Variants in CATSPERG observed in about 807,000 individuals in gnomAD.
The protein encoded by CATSPERG is catsper channel auxiliary subunit gamma.
CATSPERG carries 115 observed loss-of-function variants against 145.0 expected under a neutral mutation model. That is an observed-to-expected ratio of 0.79 (90% confidence interval 0.68 to 0.93). The LOEUF (loss-of-function observed/expected upper bound fraction) is 0.93. CATSPERG is among the 40% of genes least tolerant of loss of function. CATSPERG has a pLI of 0.00. For missense variants in CATSPERG, 1,296 were observed against 1,490.1 expected (o/e 0.87, Z 2.14); for synonymous variants, 588 against 589.0 (o/e 1.00, Z 0.02).
chr19:38,347,707 G>T (rs889676867), intron 7 of CATSPERG, among the ~76,000 whole-genome samples: 1 of 152,188 alleles, frequency 6.6e-6, no homozygotes, highest in Non-Finnish European at 1.5e-5. Flanking sequence ...TTGGGAGACC[G>T]AGGCGGGTGG....
chr19:38,346,213 A>C (rs1970039066), intron 6 of CATSPERG, among the ~76,000 whole-genome samples: 1 of 152,212 alleles, frequency 6.6e-6, no homozygotes, highest in African/African-American at 2.4e-5. Flanking sequence ...GCATTTCATC[A>C]GGAGAAACAG....
At chr19:38,353,250 C>G (rs1343151293) in intron 8 of CATSPERG, among the ~76,000 whole-genome samples, 28 of 151,840 alleles carry the variant, frequency 1.8e-4, no homozygotes. Flanking sequence ...AGGAGAATTG[C>G]TTGAACCCAG....
In CATSPERG at chr19:38,370,315, C is replaced by T. The variant is rs116159438; in HGVS notation, c.3213+57C>T. ...GTGGGCAGGGGCCCACGCCTCCATA[C>T]CTATGCTTGTTATACCTTCGCTCAT... is the stretch of plus-strand genomic sequence containing the variant. On this transcript the variant is annotated intron_variant, in intron 28 of 28. Coordinates refer to ENST00000409235, the MANE Select transcript of CATSPERG (RefSeq NM_021185.5). 564 of 1,519,980 alleles carry T rather than the reference C, an allele frequency of 3.7e-4. 2 individuals carry two copies. The African/African-American group carries it at 7.2e-3, about 19-fold the overall frequency. The allele number at this position is 1,519,980 out of a possible 1,614,324, so 94.2% of individuals were successfully genotyped here.
Position 38,337,283 on chromosome 19 carries a change from C to T in CATSPERG, c.49C>T (p.Arg17Ter). The T allele has an allele frequency of 6.4e-7, 1 of 1,551,482 alleles. No homozygotes were observed. Among genetic ancestry groups the T allele is most frequent in the Non-Finnish European group, 8.7e-7 (1 of 1,147,006 alleles). Residue 17 changes from arginine (R) to a stop codon, truncating the protein, a stop_gained, in exon 2 of 29, where the codon CGA (arginine) becomes TGA (stop). Transcript: ENST00000409235. LOFTEE classifies it high-confidence loss of function. ...TGCCGGTCCTCCGTGGCCCAGAGTC[C>T]GAGTCGTGCAGGTGCTGTGGGCCCT... ...FPAGPPWPRV[R>*]VVQVLWALLA...
intron 7 of CATSPERG, chr19:38,349,491 C>G (rs901338267): frequency 6.6e-6 from 1 of 152,404 alleles, no homozygotes; most frequent in African/African-American, 2.4e-5. Context: ...TTTGTCTCCT[C>G]TCTTCCCTGC....
chr19:38,338,973 C>G (rs1025426543), intron 3 of CATSPERG, among the ~76,000 whole-genome samples: 2 of 151,942 alleles, frequency 1.3e-5, no homozygotes, highest in African/African-American at 4.8e-5. Context: ...CGACGAAGTC[C>G]GGCGGAGTCA....
At chr19:38,336,067 G>GGGGAAGAGTCGT in intron 1 of CATSPERG, 192 bp downstream of exon 1, 1 of 399,102 alleles carries the variant, frequency 2.5e-6, no homozygotes, top group Admixed American at 2.6e-5. Context: ...GGAGGGAAAG[G>GGGGAAGAGTCGT]GGGAGCCGAA....
Position 38,352,288 on chromosome 19 carries a change from T to C in CATSPERG, c.853T>C (p.Ser285Pro). Residue 285 changes from serine (S) to proline (P), a missense_variant, in exon 8 of 29, where the codon TCC becomes CCC. By Grantham distance (74) the Ser-to-Pro change is moderately conservative (BLOSUM62 -1). Transcript: ENST00000409235. Reference sequence around the variant, plus strand: ...GAGCATTGACAGTTGCTGGGTGGGCTCCTTCTACTGCCCCCATTCTGGCTT... The same window carrying C: ...GAGCATTGACAGTTGCTGGGTGGGCCCCTTCTACTGCCCCCATTCTGGCTT... The part of the protein sequence containing the change: ...ELSIDSCWVG[S>P]FYCPHSGFTA... 2 of 1,551,576 alleles carry C rather than the reference T, an allele frequency of 1.3e-6. No homozygotes were observed. The highest frequency in any genetic ancestry group is 1.7e-6 in the Non-Finnish European group (2 of 1,147,070).
intron 4 of CATSPERG, 88 bp from the exon 5 acceptor site, chr19:38,343,905 A>C: frequency 6.7e-7 from 1 of 1,485,832 alleles, no homozygotes; most frequent in Non-Finnish European, 9.1e-7. Context: ...AGGTATGGGG[A>C]GTTGTGGGGA....
chr19:38,339,726 T>G (rs1969905419), intron 3 of CATSPERG, among the ~76,000 whole-genome samples: 2 of 152,194 alleles, frequency 1.3e-5, no homozygotes, highest in African/African-American at 4.8e-5. Flanking sequence ...TCATATTTTC[T>G]TCAAGAGATT....
intron 7 of CATSPERG, 160 bp downstream of exon 7, chr19:38,346,765 C>A: frequency 1.5e-6 from 1 of 685,086 alleles, no homozygotes; most frequent in Non-Finnish European, 2.2e-6. Flanking sequence ...ATTCTACAGC[C>A]AGAGGGCCTA....
intron 22 of CATSPERG, chr19:38,366,941 G>A (rs995589578): frequency 2.5e-5 from 14 of 549,054 alleles, no homozygotes; most frequent in South Asian, 2.0e-4. Flanking sequence ...TGATCAGCCC[G>A]CCTCGGCCTC....
At chr19:38,360,450 TG>T in intron 14 of CATSPERG, 38 bp from the exon 15 acceptor site, 1 of 1,611,250 alleles carries the variant, frequency 6.2e-7, no homozygotes, top group Non-Finnish European at 8.5e-7. Context: ...GAGGACCCCA[TG>T]GTCCTGACAC....
At chr19:38,337,096 C>G in intron 1 of CATSPERG, 125 bp from the exon 2 acceptor site, 2 of 1,209,618 alleles carry the variant, frequency 1.7e-6, no homozygotes, top group East Asian at 2.6e-5. Flanking sequence ...GGGGCGGGGC[C>G]AGGAGCAAGA....
At chr19:38,362,621 C>G (rs972921106) in intron 19 of CATSPERG, 47 bp downstream of exon 19, 2 of 1,609,296 alleles carry the variant, frequency 1.2e-6, no homozygotes, top group African/African-American at 2.7e-5. Flanking sequence ...GCGAGGGCTA[C>G]CAGAATCTGG....
At chr19:38,339,531 C>T (rs1278828153) in intron 3 of CATSPERG, among the ~76,000 whole-genome samples, 3 of 152,192 alleles carry the variant, frequency 2.0e-5, no homozygotes, top group Non-Finnish European at 2.9e-5. Context: ...GTGGCGCAAT[C>T]TCGGCACACT....
Position 38,362,800 on chromosome 19 carries a change from G to A in CATSPERG, c.2443G>A (p.Val815Ile), listed in dbSNP as rs770163165. ...CATCGAGGCCTCGGTGAAGCAGGAG[G>A]TCCTGATTAATCGCAACTCGGTGCT... is the stretch of plus-strand genomic sequence containing the variant. ...GCIEASVKQE[V>I]LINRNSVLFS... The change falls in exon 20 of 29, where the codon GTC (valine) becomes ATC (isoleucine). Residue 815 changes from valine (V) to isoleucine (I), a missense_variant. Physicochemically the swap from Val to Ile is conservative, Grantham distance 29. Transcript: ENST00000409235. 2 of 1,614,030 alleles carry A rather than the reference G, an allele frequency of 1.2e-6. No individual in the cohort carries two copies. Among genetic ancestry groups the A allele is most frequent in the South Asian group, 1.1e-5 (1 of 91,086 alleles).
chr19:38,361,606 G>T lies in CATSPERG; in HGVS notation c.1881-42G>T. On this transcript the variant is annotated intron_variant, in intron 16 of 28. Transcript: ENST00000409235. ...CCTGCGGAAGCTTCCAGTGCGCGGG[G>T]TGCCTTAGAGCCAGCAGCCTTTCCC... is the stretch of plus-strand genomic sequence containing the variant. 4.0e-6 allele frequency: 6 copies of T among 1,516,036 alleles called. 1 individual carries two copies. The highest frequency in any genetic ancestry group is 3.6e-6 in the Non-Finnish European group (4 of 1,111,892). 93.9% of individuals were successfully genotyped at this position (1,516,036 alleles called of 1,614,324 possible).
chr19:38,360,213 A>T, intron 14 of CATSPERG: 1 of 985,278 alleles, frequency 1.0e-6, no homozygotes, highest in Non-Finnish European at 1.2e-6. Context: ...TGTGTTAGAG[A>T]TGCTTAGGTC....
Sources: gnomAD v4.1 joint callset for allele counts (sites outside exome capture counted in the v4.1 genomes callset) on GRCh38, gnomAD v4.1.1 for gene constraint, MANE v1.5 for transcripts, NCBI Gene and HGNC (gene_info 2026-07-23, HGNC 2026-07-21) for gene names.